Variants in DPYD observed in about 807,000 individuals in gnomAD.
DPYD encodes the protein dihydropyrimidine dehydrogenase [NADP(+)].
Under a neutral mutation model 116.2 loss-of-function variants are expected in DPYD, and 109 were observed. That is an observed-to-expected ratio of 0.94 (90% CI 0.80 to 1.10). The LOEUF is 1.10. Ranked by LOEUF, DPYD falls within the 50% of genes least tolerant of loss-of-function variation. The pLI is 0.00. For missense variants in DPYD, 1,302 were observed against 1,254.5 expected (o/e 1.04, Z -0.57); for synonymous variants, 440 against 432.0 (o/e 1.02, Z -0.23).
At chr1:97,154,108 G>A (rs537831457) in intron 20 of DPYD, among the ~76,000 whole-genome samples, 1 of 151,202 alleles carries the variant, frequency 6.6e-6, no homozygotes, top group East Asian at 2.0e-4. Flanking sequence ...AGAACTAAAA[G>A]TAGATCTACC....
chr1:97,328,415 A>G (rs1225173051), intron 16 of DPYD, among the ~76,000 whole-genome samples: 1 of 152,146 alleles, frequency 6.6e-6, no homozygotes, highest in African/African-American at 2.4e-5. Flanking sequence ...AAGTCATATT[A>G]GTCTACTTAT....
chr1:97,508,497 C>T (rs1220215016), intron 13 of DPYD, among the ~76,000 whole-genome samples: 3 of 151,910 alleles, frequency 2.0e-5, no homozygotes, highest in East Asian at 1.9e-4. Context: ...TGAAATTGCA[C>T]ATAGAAATAT....
chr1:97,781,101 G>A lies in DPYD; in HGVS notation c.234-40622C>T, dbSNP rs150028907. ...CAAGAAAACAAGCTGTATTACTCAT[G>A]ATACAGCAGTCTTAGCTACACTGCT... On this transcript the variant is annotated intron_variant, in intron 3 of 22. Transcript: ENST00000370192. 8.6e-3 allele frequency among the ~76,000 whole-genome samples: 1,303 copies of A among 152,258 alleles called. 21 individuals are homozygous for A. Among genetic ancestry groups the A allele is most frequent in the African/African-American group, 0.03 (1,235 of 41,542 alleles).
At chr1:97,294,057 A>C (rs539473793) in intron 18 of DPYD, among the ~76,000 whole-genome samples, 1 of 152,260 alleles carries the variant, frequency 6.6e-6, no homozygotes, top group Non-Finnish European at 1.5e-5. Flanking sequence ...AACTTTCATA[A>C]ATTCTGGAGG....
chr1:97,491,247 G>T (rs902482912), intron 13 of DPYD, among the ~76,000 whole-genome samples: 9 of 146,942 alleles, frequency 6.1e-5, no homozygotes, highest in African/African-American at 2.2e-4. Flanking sequence ...AATAATATAA[G>T]ATATAATAAT....
At chr1:97,522,109 G>A (rs1365953018) in intron 12 of DPYD, among the ~76,000 whole-genome samples, 2 of 152,190 alleles carry the variant, frequency 1.3e-5, no homozygotes, top group Non-Finnish European at 1.5e-5. Flanking sequence ...TATCATCAGA[G>A]TGAACAGGCA....
chr1:97,635,844 G>C (rs1657526957), intron 8 of DPYD, among the ~76,000 whole-genome samples: 1 of 152,118 alleles, frequency 6.6e-6, no homozygotes, highest in Non-Finnish European at 1.5e-5. Flanking sequence ...TTTTGAGACA[G>C]GATCTTACTC....
At chr1:97,590,543 T>C (rs892971555) in intron 10 of DPYD, among the ~76,000 whole-genome samples, 1 of 152,224 alleles carries the variant, frequency 6.6e-6, no homozygotes, top group Non-Finnish European at 1.5e-5. Context: ...TAATATCATA[T>C]AAAAATTTGG....
chr1:97,768,949 A>T lies in DPYD; in HGVS notation c.234-28470T>A, dbSNP rs532694784. Among the ~76,000 whole-genome samples the T allele has an allele frequency of 2.6e-5, 4 of 152,058 alleles. No homozygotes were observed. The East Asian group carries it at 7.7e-4, about 29-fold the overall frequency. The stretch of plus-strand genomic sequence containing the variant: ...TAATATTAACCACGATATAATCAAA[A>T]AATCTCCACAAAATAAAGAAAAAAA... On this transcript the variant is annotated intron_variant, in intron 3 of 22. Coordinates refer to ENST00000370192, the MANE Select transcript of DPYD (RefSeq NM_000110.4).
intron 18 of DPYD, among the ~76,000 whole-genome samples, chr1:97,285,679 TTTAA>T: frequency 8.3e-6 from 1 of 120,586 alleles, no homozygotes; most frequent in Non-Finnish European, 1.7e-5. Context: ...TTATTGTTCC[TTTAA>T]TTTTTTTTTT....
At chr1:97,897,838 T>A (rs1369065383) in intron 1 of DPYD, among the ~76,000 whole-genome samples, 2 of 151,964 alleles carry the variant, frequency 1.3e-5, no homozygotes, top group South Asian at 4.1e-4. Flanking sequence ...AATACATTAA[T>A]TTTTATCCTC....
intron 18 of DPYD, among the ~76,000 whole-genome samples, chr1:97,274,045 T>C (rs1664765295): frequency 6.6e-6 from 1 of 152,222 alleles, no homozygotes; most frequent in Admixed American, 6.5e-5. Flanking sequence ...ATGCCTATTG[T>C]GCTAAATAGG....
At chr1:97,081,720 T>C (rs1231764174) in intron 22 of DPYD, among the ~76,000 whole-genome samples, 1 of 90,172 alleles carries the variant, frequency 1.1e-5, no homozygotes, top group Non-Finnish European at 3.0e-5. Flanking sequence ...TTCTTTTCTT[T>C]TTTTTTTTTT....
intron 3 of DPYD, among the ~76,000 whole-genome samples, chr1:97,783,463 C>T (rs1307861329): frequency 1.3e-5 from 2 of 148,980 alleles, no homozygotes; most frequent in Non-Finnish European, 3.0e-5. Context: ...GGTGTGATCT[C>T]GGCTCACTGC....
chr1:97,353,450 C>T (rs1558049633), intron 16 of DPYD, among the ~76,000 whole-genome samples: 2 of 152,020 alleles, frequency 1.3e-5, no homozygotes, highest in African/African-American at 2.4e-5. Flanking sequence ...TTTTTTCCCC[C>T]TTTTAAAGCC....
chr1:97,189,187 T>C (rs936107071), intron 20 of DPYD, among the ~76,000 whole-genome samples: 1 of 152,182 alleles, frequency 6.6e-6, no homozygotes, highest in Admixed American at 6.5e-5. Flanking sequence ...TATTTTCTAG[T>C]AAAGGAAGCA....
At chr1:97,851,719 A>T (rs1558008348) in intron 2 of DPYD, among the ~76,000 whole-genome samples, 1 of 151,874 alleles carries the variant, frequency 6.6e-6, no homozygotes, top group Non-Finnish European at 1.5e-5. Flanking sequence ...AGAAAAAAAA[A>T]AAAAGAAACT....
At chr1:97,379,239 C>T (rs919131220) in intron 15 of DPYD, among the ~76,000 whole-genome samples, 4 of 152,112 alleles carry the variant, frequency 2.6e-5, no homozygotes, top group Admixed American at 2.6e-4. Flanking sequence ...ATGCAGAAAA[C>T]AGACCCACAG....
intron 3 of DPYD, among the ~76,000 whole-genome samples, chr1:97,818,719 C>T (rs1668763793): frequency 1.3e-5 from 2 of 151,916 alleles, no homozygotes; most frequent in South Asian, 4.1e-4. Flanking sequence ...AAGTAATATT[C>T]CTAATTTACA....
Sources: gnomAD v4.1 joint callset for allele counts (sites outside exome capture counted in the v4.1 genomes callset) on GRCh38, gnomAD v4.1.1 for gene constraint, MANE v1.5 for transcripts, NCBI Gene and HGNC (gene_info 2026-07-23, HGNC 2026-07-21) for gene names.